FAR2: variants seen among roughly 807,000 people sequenced by gnomAD.
The protein encoded by FAR2 is fatty acyl-CoA reductase 2, also known as epididymis secretory protein Li 81.
Under a neutral mutation model 56.0 loss-of-function variants are expected in FAR2, and 19 were observed. The ratio of observed to expected loss-of-function variants is 0.34; its 90% CI spans 0.24 to 0.50. The LOEUF (loss-of-function observed/expected upper bound fraction) is 0.50, where lower values mean the gene tolerates loss of function less well. FAR2 is among the 20% of genes least tolerant of loss of function. FAR2 has a pLI of 0.98. For missense variants in FAR2, 508 were observed against 642.2 expected (o/e 0.79, Z 2.26); for synonymous variants, 219 against 218.8 (o/e 1.00, Z -0.01).
At chr12:29,322,263 T>C (rs910639421) in intron 10 of FAR2, among the ~76,000 whole-genome samples, 2 of 152,234 alleles carry the variant, frequency 1.3e-5, no homozygotes, top group African/African-American at 2.4e-5. Flanking sequence ...TCTTCCCTTA[T>C]CTGCCACAGC....
chr12:29,154,592 G>T (rs529611532), intron 1 of FAR2, among the ~76,000 whole-genome samples: 1 of 151,834 alleles, frequency 6.6e-6, no homozygotes, highest in Non-Finnish European at 1.5e-5. Context: ...CCACCACCAC[G>T]CCTGGCTAAT....
At chr12:29,163,654 A>G (rs1000750580) in intron 1 of FAR2, among the ~76,000 whole-genome samples, 1 of 152,254 alleles carries the variant, frequency 6.6e-6, no homozygotes, top group Non-Finnish European at 1.5e-5. Context: ...ATCAAAATCC[A>G]TTCTTAGATT....
At chr12:29,258,185 A>T (rs1266141907) in intron 1 of FAR2, among the ~76,000 whole-genome samples, 4 of 68,686 alleles carry the variant, frequency 5.8e-5, no homozygotes, top group Non-Finnish European at 1.5e-4. Context: ...CTTTACTTAA[A>T]AAAAAAAAAA....
chr12:29,171,106 G>A (rs2136587003), intron 1 of FAR2, among the ~76,000 whole-genome samples: 1 of 152,390 alleles, frequency 6.6e-6, no homozygotes, highest in Admixed American at 6.5e-5. Flanking sequence ...GGATTCCTCA[G>A]ATGGTAACAG....
At chr12:29,190,626 G>A (rs996174236) in intron 1 of FAR2, among the ~76,000 whole-genome samples, 2 of 151,922 alleles carry the variant, frequency 1.3e-5, no homozygotes, top group African/African-American at 2.4e-5. Context: ...CACCACACCC[G>A]GCTAATTTTT....
intron 1 of FAR2, among the ~76,000 whole-genome samples, chr12:29,176,919 A>T (rs1449640302): frequency 2.6e-5 from 4 of 152,240 alleles, no homozygotes; most frequent in Non-Finnish European, 4.4e-5. Context: ...GAGAAGGCAG[A>T]AATTATAGGT....
chr12:29,312,455 C>A (rs1591959729), intron 8 of FAR2, among the ~76,000 whole-genome samples: 1 of 152,140 alleles, frequency 6.6e-6, no homozygotes, highest in South Asian at 2.1e-4. Flanking sequence ...ACTCCACTAG[C>A]GATTTGTAAA....
intron 1 of FAR2, among the ~76,000 whole-genome samples, chr12:29,264,815 C>G (rs186157241): frequency 6.4e-4 from 97 of 151,556 alleles, no homozygotes; most frequent in African/African-American, 2.2e-3. Flanking sequence ...AACTGATAAA[C>G]AAATTCAGTA....
At chr12:29,263,620 T>C (rs1044445885) in intron 1 of FAR2, among the ~76,000 whole-genome samples, 1 of 150,404 alleles carries the variant, frequency 6.6e-6, no homozygotes, top group Non-Finnish European at 1.5e-5. Flanking sequence ...TACCGAAACC[T>C]ATGGGATACA....
At position 29,173,318 on chromosome 12, in the gene FAR2, G is replaced by T. The variant is rs190656206; in HGVS notation, c.-39+23911G>T. On this transcript the variant is annotated intron_variant, in intron 1 of 11. Transcript: ENST00000536681. The stretch of plus-strand genomic sequence containing the variant: ...AGATTTCCTTGCTTGTTTCCTTCTG[G>T]CCAGGGGAGATTAGAGGAGGCTTAT... Among the ~76,000 whole-genome samples, 3 of 152,216 alleles carry T rather than the reference G, an allele frequency of 2.0e-5. No homozygotes were observed. The East Asian group carries it at 5.8e-4, about 29-fold the overall frequency.
At chr12:29,311,692 ACATG>A (rs1458790943) in intron 7 of FAR2, among the ~76,000 whole-genome samples, 187 bp from the exon 8 acceptor site, 1 of 151,456 alleles carries the variant, frequency 6.6e-6, no homozygotes, top group Non-Finnish European at 1.5e-5. Context: ...ACACACACAC[ACATG>A]CTTTTCCTAG....
intron 8 of FAR2, among the ~76,000 whole-genome samples, chr12:29,315,451 A>G (rs1949431235): frequency 6.6e-6 from 1 of 152,186 alleles, no homozygotes; most frequent in Admixed American, 6.5e-5. Flanking sequence ...AGGGCTCTGA[A>G]TGGAGAAGTA....
chr12:29,268,897 G>T (rs1565497106), intron 1 of FAR2, among the ~76,000 whole-genome samples: 1 of 152,178 alleles, frequency 6.6e-6, no homozygotes, highest in Non-Finnish European at 1.5e-5. Flanking sequence ...TTCAAAAGGG[G>T]AGGGAGTGTG....
At chr12:29,188,255 T>G (rs1361918535) in intron 1 of FAR2, among the ~76,000 whole-genome samples, 2 of 152,190 alleles carry the variant, frequency 1.3e-5, no homozygotes, top group African/African-American at 2.4e-5. Flanking sequence ...TTTCTTTTAG[T>G]ATTTTAGTGA....
intron 1 of FAR2, among the ~76,000 whole-genome samples, chr12:29,192,885 G>A (rs1212901894): frequency 6.6e-6 from 1 of 152,108 alleles, no homozygotes; most frequent in Non-Finnish European, 1.5e-5. Context: ...CAAAACAAAT[G>A]CTTCGGTTTC....
chr12:29,192,154 C>T (rs1398871580), intron 1 of FAR2, among the ~76,000 whole-genome samples: 2 of 152,114 alleles, frequency 1.3e-5, no homozygotes, highest in South Asian at 2.1e-4. Flanking sequence ...ATTATCTCAC[C>T]GAATTCAAAT....
intron 1 of FAR2, among the ~76,000 whole-genome samples, chr12:29,162,036 T>C (rs190297188): frequency 6.6e-6 from 1 of 152,232 alleles, no homozygotes; most frequent in Non-Finnish European, 1.5e-5. Flanking sequence ...CTTTGTTAGA[T>C]ATGTGCTTTG....
chr12:29,200,755 C>A (rs1297161186), intron 1 of FAR2, among the ~76,000 whole-genome samples: 1 of 152,142 alleles, frequency 6.6e-6, no homozygotes, highest in Admixed American at 6.5e-5. Context: ...TAAGACTAAC[C>A]TTTGATGTAC....
At chr12:29,293,501 C>A in intron 3 of FAR2, 26 bp downstream of exon 3, 1 of 1,480,906 alleles carries the variant, frequency 6.8e-7, no homozygotes, top group Non-Finnish European at 9.0e-7. Flanking sequence ...CCTCTCATGG[C>A]TTGTATACAT....
Sources: allele counts gnomAD v4.1 joint callset (sites outside exome capture counted in the v4.1 genomes callset), GRCh38; gene constraint gnomAD v4.1.1; transcripts MANE v1.5; gene names NCBI Gene and HGNC (gene_info 2026-07-23, HGNC 2026-07-21).